Variants in ERBB4 observed in about 807,000 individuals in gnomAD.
The protein encoded by ERBB4 is receptor tyrosine-protein kinase erbB-4.
A neutral mutation model predicts 158.0 loss-of-function variants in ERBB4; 42 were observed. The observed-to-expected ratio is 0.27, with a 90% CI of 0.21 to 0.34. The LOEUF is 0.34. Among genes scored for constraint, ERBB4 ranks in the 10% least tolerant of loss-of-function variants. The pLI, the probability that ERBB4 is intolerant of heterozygous loss-of-function variation, is 1.00. For missense variants in ERBB4, 1,333 were observed against 1,624.1 expected, an observed-to-expected ratio of 0.82 and a Z score of 3.08; for synonymous variants, 583 against 558.7, an observed-to-expected ratio of 1.04 and a Z score of -0.61.
intron 3 of ERBB4, among the ~76,000 whole-genome samples, chr2:211,899,015 T>C (rs1457094321): frequency 2.0e-5 from 3 of 152,190 alleles, no homozygotes; most frequent in Admixed American, 1.3e-4. Flanking sequence ...AATAATGTTT[T>C]GCCCAGTACC....
rs138507520 is a variant in ERBB4, at chr2:211,829,153, A to C, written c.422-40994T>G. Among the ~76,000 whole-genome samples the C allele has an allele frequency of 2.1e-3, 323 of 152,258 alleles. 1 individual carries two copies. Among genetic ancestry groups the C allele is most frequent in the Middle Eastern group, 0.01 (3 of 294 alleles). On this transcript the variant is annotated intron_variant, in intron 3 of 27. Transcript: ENST00000342788. Reference sequence around the variant, plus strand: ...CTTAAAGCACACACAAAAAGCTAGGATCTTGATAATGACTTACATGTATTA... The same window carrying C: ...CTTAAAGCACACACAAAAAGCTAGGCTCTTGATAATGACTTACATGTATTA...
chr2:212,098,886 A>C (rs573692991), intron 2 of ERBB4, among the ~76,000 whole-genome samples: 4 of 152,296 alleles, frequency 2.6e-5, no homozygotes, highest in Non-Finnish European at 4.4e-5. Context: ...CAGAAATAAC[A>C]GGAAAATTGG....
chr2:212,420,982 G>A (rs192572925), intron 1 of ERBB4, among the ~76,000 whole-genome samples: 1 of 152,122 alleles, frequency 6.6e-6, no homozygotes, highest in East Asian at 1.9e-4. Context: ...ATTTTACTCT[G>A]GACTGACACT....
intron 1 of ERBB4, among the ~76,000 whole-genome samples, chr2:212,143,415 G>C (rs1042767574): frequency 3.9e-5 from 6 of 152,026 alleles, no homozygotes; most frequent in Non-Finnish European, 7.4e-5. Flanking sequence ...CCTAAGAGAT[G>C]GTTATAAGAG....
At chr2:211,424,431 C>G (rs1559154212) in intron 22 of ERBB4, 130 bp from the exon 23 acceptor site, 1 of 651,434 alleles carries the variant, frequency 1.5e-6, no homozygotes, top group Non-Finnish European at 2.7e-6. Context: ...AAAAAAAAAG[C>G]TCCATAAATT....
chr2:212,012,192 C>T (rs2076404726), intron 2 of ERBB4, among the ~76,000 whole-genome samples: 1 of 151,978 alleles, frequency 6.6e-6, no homozygotes, highest in South Asian at 2.1e-4. Flanking sequence ...TTCACATGAC[C>T]CCAGAAGCTT....
chr2:211,540,037 T>C (rs1301233050), intron 20 of ERBB4, among the ~76,000 whole-genome samples: 6 of 151,886 alleles, frequency 4.0e-5, no homozygotes, highest in Non-Finnish European at 7.4e-5. Context: ...ATGCAAAATG[T>C]CTAAGTCAGT....
At chr2:211,816,528 G>A (rs1304944813) in intron 3 of ERBB4, among the ~76,000 whole-genome samples, 23 of 120,856 alleles carry the variant, frequency 1.9e-4, no homozygotes, top group South Asian at 2.7e-4. Context: ...GTGACAGAGC[G>A]AGAGCCCGTC....
intron 1 of ERBB4, among the ~76,000 whole-genome samples, chr2:212,494,968 AAAAT>A (rs1434002506): frequency 6.6e-6 from 1 of 152,124 alleles, no homozygotes; most frequent in Non-Finnish European, 1.5e-5. Flanking sequence ...CTTCCAAAGA[AAAAT>A]AAACCTTCAA....
chr2:211,883,273 A>T (rs761800963), intron 3 of ERBB4, among the ~76,000 whole-genome samples: 6 of 152,104 alleles, frequency 3.9e-5, no homozygotes, highest in Non-Finnish European at 5.9e-5. Context: ...CAGGAAGGGG[A>T]ACATCACACA....
At chr2:211,494,261 C>T (rs1574603904) in intron 20 of ERBB4, among the ~76,000 whole-genome samples, 1 of 152,160 alleles carries the variant, frequency 6.6e-6, no homozygotes, top group East Asian at 1.9e-4. Flanking sequence ...CCTCGGCCTC[C>T]GAAAGTGCTG....
chr2:211,611,942 G>A (rs2069216226), intron 19 of ERBB4, among the ~76,000 whole-genome samples: 1 of 152,090 alleles, frequency 6.6e-6, no homozygotes, highest in African/African-American at 2.4e-5. Context: ...TGCATGCATA[G>A]GAAAAAATCT....
chr2:211,944,198 T>C (rs1438877166), intron 3 of ERBB4, among the ~76,000 whole-genome samples: 8 of 38,522 alleles, frequency 2.1e-4, no homozygotes, highest in Non-Finnish European at 3.1e-4. Flanking sequence ...TATATATATA[T>C]ACTATATATA....
intron 19 of ERBB4, among the ~76,000 whole-genome samples, chr2:211,574,315 A>G (rs1308278216): frequency 1.3e-5 from 2 of 152,232 alleles, no homozygotes; most frequent in Non-Finnish European, 2.9e-5. Context: ...CCATCTCAAC[A>G]TATAACCATG....
intron 1 of ERBB4, among the ~76,000 whole-genome samples, chr2:212,246,915 G>A (rs1193506408): frequency 6.6e-6 from 1 of 152,076 alleles, no homozygotes; most frequent in Non-Finnish European, 1.5e-5. Context: ...GTGTTTTTGG[G>A]AATGCCTTAT....
intron 5 of ERBB4, among the ~76,000 whole-genome samples, chr2:211,745,737 A>AAAAAAAAAAAAAAAAC (rs1559480919): frequency 6.6e-6 from 1 of 150,842 alleles, no homozygotes; most frequent in Non-Finnish European, 1.5e-5. Context: ...AAACAAAACA[A>AAAAAAAAAAAAAAAAC]AAAAAACCCT....
intron 3 of ERBB4, among the ~76,000 whole-genome samples, chr2:211,892,309 CAT>C (rs1439237027): frequency 1.6e-5 from 1 of 61,018 alleles, no homozygotes; most frequent in African/African-American, 8.4e-5. Flanking sequence ...ACAAAAACCA[CAT>C]GATTATCTCA....
chr2:211,769,242 C>T (rs75644458), intron 4 of ERBB4, among the ~76,000 whole-genome samples: 3,995 of 152,262 alleles, frequency 0.026, 233 homozygotes, highest in East Asian at 0.19. Context: ...ACCACCTCAG[C>T]CTGCACTTCA....
At chr2:212,013,213 C>T (rs907445825) in intron 2 of ERBB4, among the ~76,000 whole-genome samples, 7 of 152,178 alleles carry the variant, frequency 4.6e-5, no homozygotes, top group African/African-American at 9.6e-5. Flanking sequence ...CTCACCCCAA[C>T]GCCCAACTAA....
Sources: gnomAD v4.1 joint callset for allele counts (sites outside exome capture counted in the v4.1 genomes callset) on GRCh38, gnomAD v4.1.1 for gene constraint, MANE v1.5 for transcripts, NCBI Gene and HGNC (gene_info 2026-07-23, HGNC 2026-07-21) for gene names.